Variants in AMBRA1 observed in about 807,000 individuals in gnomAD.
The protein encoded by AMBRA1 is activating molecule in BECN1-regulated autophagy protein 1.
A neutral mutation model predicts 125.4 loss-of-function variants in AMBRA1; 47 were observed. The observed-to-expected ratio is 0.37, with a 90% CI of 0.30 to 0.48. The LOEUF is 0.48. Among genes scored for constraint, AMBRA1 ranks in the 20% least tolerant of loss-of-function variants. AMBRA1 has a pLI of 0.99. For synonymous variants in AMBRA1, 626 were observed against 655.5 expected, an observed-to-expected ratio of 0.95 and a Z score of 0.69; for missense variants, 1,331 against 1,693.4, an observed-to-expected ratio of 0.79 and a Z score of 3.76.
intron 9 of AMBRA1, among the ~76,000 whole-genome samples, chr11:46,505,154 C>G (rs1377631318): frequency 6.6e-6 from 1 of 152,250 alleles, no homozygotes; most frequent in Non-Finnish European, 1.5e-5. Flanking sequence ...CCTTACATGT[C>G]TCTCTGTACC....
intron 7 of AMBRA1, among the ~76,000 whole-genome samples, chr11:46,519,945 G>A (rs767302747): frequency 1.3e-5 from 2 of 152,050 alleles, no homozygotes; most frequent in Non-Finnish European, 2.9e-5. Flanking sequence ...TTCAAGACCT[G>A]CCTGACCAAC....
chr11:46,573,062 T>C (rs950368786), intron 1 of AMBRA1, among the ~76,000 whole-genome samples: 5 of 150,190 alleles, frequency 3.3e-5, no homozygotes, highest in Non-Finnish European at 5.9e-5. Context: ...GATCGCGCCA[T>C]TGCACTCTAG....
intron 15 of AMBRA1, among the ~76,000 whole-genome samples, chr11:46,414,228 G>C (rs1946425380): frequency 6.6e-6 from 1 of 152,222 alleles, no homozygotes; most frequent in East Asian, 1.9e-4. Flanking sequence ...GAGAGGATCA[G>C]ACCAAAGATG....
At chr11:46,565,673 C>T (rs2043498727) in intron 1 of AMBRA1, among the ~76,000 whole-genome samples, 2 of 152,114 alleles carry the variant, frequency 1.3e-5, no homozygotes, top group South Asian at 4.1e-4. Context: ...CGCCACCATA[C>T]TCCAACCTGG....
At chr11:46,431,096 C>G (rs1164270803) in intron 14 of AMBRA1, among the ~76,000 whole-genome samples, 1 of 152,150 alleles carries the variant, frequency 6.6e-6, no homozygotes, top group Non-Finnish European at 1.5e-5. Flanking sequence ...ACCTGGAAAA[C>G]CAGAAACCTT....
chr11:46,552,947 C>T lies in AMBRA1; in HGVS notation c.-120-4447G>A, dbSNP rs371957379. 1.3e-3 allele frequency among the ~76,000 whole-genome samples: 196 copies of T among 151,654 alleles called. 4 individuals carry two copies. The South Asian group carries it at 0.039, about 30-fold the overall frequency. ...TACCAGAAGCCCAAACCTCATCACT[C>T]ACTTTTTTTCTTTTTTGAGACAGAG... is the stretch of plus-strand genomic sequence containing the variant. On this transcript the variant is annotated intron_variant, in intron 1 of 17. Transcript: ENST00000683756.
rs1361843504 is a variant in AMBRA1, at chr11:46,428,867, C to A, written c.2976+4607G>T. 4.3e-6 allele frequency: 7 copies of A among 1,611,684 alleles called. No individual in the cohort carries two copies. In the East Asian group the frequency reaches 1.1e-4, roughly 26 times the overall value. ...CCTGCCAGTCTCTGGACGGCTACGG[C>A]GTAGGATGGCAGGCACAATCTCTGG... On this transcript the variant is annotated intron_variant, in intron 14 of 17. Transcript: ENST00000683756.
chr11:46,518,658 C>T (rs1565243947), intron 7 of AMBRA1, among the ~76,000 whole-genome samples: 2 of 151,950 alleles, frequency 1.3e-5, no homozygotes, highest in East Asian at 1.9e-4. Flanking sequence ...AGAAGATGTT[C>T]GCCCATTTCT....
At chr11:46,477,629 C>T (rs1285845419) in intron 11 of AMBRA1, among the ~76,000 whole-genome samples, 1 of 152,122 alleles carries the variant, frequency 6.6e-6, no homozygotes, top group South Asian at 2.1e-4. Flanking sequence ...GCCACTGTGC[C>T]CAGCCTCTTT....
chr11:46,574,328 T>C (rs1213609812), intron 1 of AMBRA1, among the ~76,000 whole-genome samples: 1 of 147,748 alleles, frequency 6.8e-6, no homozygotes, highest in Non-Finnish European at 1.5e-5. Flanking sequence ...CCAGCACCTG[T>C]TGTTTCCTGA....
At chr11:46,441,283 G>C (rs768146233) in intron 12 of AMBRA1, among the ~76,000 whole-genome samples, 5 of 152,190 alleles carry the variant, frequency 3.3e-5, no homozygotes, top group Non-Finnish European at 7.3e-5. Flanking sequence ...GGAGGCCGAG[G>C]TGGGTGGATC....
chr11:46,483,048 A>T (rs1590923245), intron 11 of AMBRA1, among the ~76,000 whole-genome samples: 1 of 151,894 alleles, frequency 6.6e-6, no homozygotes, highest in East Asian at 1.9e-4. Context: ...AAAACCATGA[A>T]TCTGCTTACC....
chr11:46,591,941 ATTTTT>A (rs1167665024), intron 1 of AMBRA1, among the ~76,000 whole-genome samples: 3 of 115,130 alleles, frequency 2.6e-5, no homozygotes, highest in African/African-American at 1.1e-4. Flanking sequence ...CTCAAGACTG[ATTTTT>A]TTTTTTTTTT....
At chr11:46,476,370 C>T (rs945415823) in intron 11 of AMBRA1, among the ~76,000 whole-genome samples, 3 of 152,084 alleles carry the variant, frequency 2.0e-5, no homozygotes, top group African/African-American at 7.2e-5. Flanking sequence ...CACTGTTTTT[C>T]ACTTAGATGG....
At chr11:46,578,738 A>G (rs2044055558) in intron 1 of AMBRA1, among the ~76,000 whole-genome samples, 1 of 151,508 alleles carries the variant, frequency 6.6e-6, no homozygotes, top group South Asian at 2.1e-4. Flanking sequence ...AAAATTAGCC[A>G]GGCATGGTGG....
At chr11:46,453,658 C>G (rs1010795021) in intron 11 of AMBRA1, among the ~76,000 whole-genome samples, 1 of 152,112 alleles carries the variant, frequency 6.6e-6, no homozygotes, top group African/African-American at 2.4e-5. Flanking sequence ...AGAGTCTTCA[C>G]TGTTTCCTGA....
At chr11:46,517,392 A>G (rs61882719) in intron 7 of AMBRA1, among the ~76,000 whole-genome samples, 62,808 of 139,264 alleles carry the variant, frequency 0.45, 17,841 homozygotes, top group African/African-American at 0.82. Context: ...CAGGTGATCC[A>G]CCCGCCTCGG....
chr11:46,515,708 C>T (rs888179805), intron 7 of AMBRA1, among the ~76,000 whole-genome samples: 1 of 152,120 alleles, frequency 6.6e-6, no homozygotes. Flanking sequence ...CGCAGTCTCA[C>T]TCTGTCACCC....
intron 11 of AMBRA1, among the ~76,000 whole-genome samples, chr11:46,479,197 C>T (rs2136913203): frequency 6.6e-6 from 1 of 151,380 alleles, no homozygotes; most frequent in South Asian, 2.1e-4. Flanking sequence ...GACCCTATCT[C>T]AAAAGAAAGA....
Sources: allele counts gnomAD v4.1 joint callset (sites outside exome capture counted in the v4.1 genomes callset), GRCh38; gene constraint gnomAD v4.1.1; transcripts MANE v1.5; gene names NCBI Gene and HGNC (gene_info 2026-07-23, HGNC 2026-07-21).